Variants in LENG8 observed in about 807,000 individuals in gnomAD.
LENG8 encodes leukocyte receptor cluster (LRC) member 8.
A neutral mutation model predicts 102.1 loss-of-function variants in LENG8; 28 were observed. That is an observed-to-expected ratio of 0.27 (90% CI 0.20 to 0.38). The LOEUF is 0.38. Among genes scored for constraint, LENG8 ranks in the 10% least tolerant of loss-of-function variants. The probability of loss-of-function intolerance (pLI) is 1.00; values close to 1 mark genes in which losing one functional copy is unlikely to be tolerated. For synonymous variants in LENG8, 531 were observed against 456.7 expected (o/e 1.16, Z -2.07); for missense variants, 1,022 against 1,113.9 (o/e 0.92, Z 1.17).
At chr19:54,453,164 TCCCTCTC>T (rs910246149) in intron 4 of LENG8, among the ~76,000 whole-genome samples, 12 of 152,252 alleles carry the variant, frequency 7.9e-5, no homozygotes, top group Admixed American at 7.9e-4. Flanking sequence ...TCGCAGCCTG[TCCCTCTC>T]CCTTTCTTTG....
At chr19:54,460,046 C>A in intron 15 of LENG8, 1 of 1,285,692 alleles carries the variant, frequency 7.8e-7, no homozygotes. Flanking sequence ...TCAGCACCTT[C>A]CCCCCAAGGA....
rs746381211 is a variant in LENG8, at chr19:54,456,652, A to G, written c.1462A>G (p.Thr488Ala). The G allele has an allele frequency of 1.9e-6, 3 of 1,611,972 alleles. No homozygotes were observed. Among genetic ancestry groups the G allele is most frequent in the Non-Finnish European group, 2.5e-6 (3 of 1,179,052 alleles). Residue 488 changes from threonine to alanine, a missense_variant, in exon 11 of 16, where the codon ACC becomes GCC. Thr to Ala is a moderately conservative substitution (Grantham distance 58). Transcript: ENST00000326764. ...CCTTCCTAGGCACGATCTGGCGCCC[A>G]CCAAGCGCAGTCGAAAGAAGATGGC... Reference protein sequence around the residue: ...QRGKRHDLAPTKRSRKKMAAL... With the variant: ...QRGKRHDLAPAKRSRKKMAAL...
Position 54,456,735 on chromosome 19 carries a change from C to G in LENG8, c.1545C>G (p.Arg515=). 1 of 1,612,632 alleles carries G rather than the reference C, an allele frequency of 6.2e-7. No homozygotes were observed. The highest frequency in any genetic ancestry group is 8.5e-7 in the Non-Finnish European group (1 of 1,179,612). The change falls in exon 11 of 16, where the codon CGC becomes CGG. Residue 515 remains arginine (R), a synonymous_variant. Transcript: ENST00000326764. ...TGAAGAAGCAGAAGCGGGCAGCCCG[C>G]TTCCAGCACGGACACTCCCGCCGCC... ...RELKKQKRAA[R]FQHGHSRRLR...
At position 54,452,774 on chromosome 19, in the gene LENG8, C is replaced by T. The variant is rs181670688; in HGVS notation, c.315+22C>T. ...CATGGTGAGTGCCCAGCCAGTGGGG[C>T]GGGGCAGGGCGAGGTGGAGTCTGCT... is the stretch of plus-strand genomic sequence containing the variant. On this transcript the variant is annotated intron_variant, in intron 4 of 15. Transcript: ENST00000326764. The T allele has an allele frequency of 1.8e-4, 280 of 1,561,888 alleles. 1 individual carries two copies. In the African/African-American group the frequency reaches 3.1e-3, roughly 17 times the overall value.
rs761478188 is a variant in LENG8, at chr19:54,457,919, G to C, written c.1834-15G>C. The C allele has an allele frequency of 1.2e-6, 2 of 1,613,868 alleles. No individual in the cohort carries two copies. Among genetic ancestry groups the C allele is most frequent in the East Asian group, 2.2e-5 (1 of 44,868 alleles). ...CCCGCTCCTTGTGACTCTTGTTCTC[G>C]CCCCGCTGCCCCAGGTGCAGGGCAT... On this transcript the variant is annotated splice_polypyrimidine_tract_variant and intron_variant, in intron 12 of 15. Coordinates refer to ENST00000326764, the MANE Select transcript of LENG8 (RefSeq NM_052925.4).
In LENG8 at chr19:54,461,300, GC is replaced by G. The variant is rs750163713; in HGVS notation, c.*374del. 1.1e-5 allele frequency: 5 copies of G among 466,678 alleles called. No individual in the cohort carries two copies. The highest frequency in any genetic ancestry group is 7.9e-5 in the South Asian group (5 of 63,026). The allele number at this position is 466,678 out of a possible 1,614,324, so 28.9% of individuals were successfully genotyped here. Reference sequence around the variant, plus strand: ...GCCCTGGCCCATCCCATGCCGGGGGGCCAGTGGAAAGAAGACAGGCCGTCCA... The same window carrying G: ...GCCCTGGCCCATCCCATGCCGGGGGGCAGTGGAAAGAAGACAGGCCGTCCA... On this transcript the variant is annotated 3_prime_UTR_variant, in exon 16 of 16. Coordinates refer to ENST00000326764, the MANE Select transcript of LENG8 (RefSeq NM_052925.4).
Position 54,461,367 on chromosome 19 carries a change from C to T in LENG8, c.*439C>T. 2.2e-6 allele frequency: 1 copy of T among 458,696 alleles called. No individual in the cohort carries two copies. The highest frequency in any genetic ancestry group is 1.6e-5 in the South Asian group (1 of 64,418). 28.4% of individuals were successfully genotyped at this position (458,696 alleles called of 1,614,324 possible). On this transcript the variant is annotated 3_prime_UTR_variant, in exon 16 of 16. Coordinates refer to ENST00000326764, the MANE Select transcript of LENG8 (RefSeq NM_052925.4). ...CGGCGGGGGCACCCAGCAAGCCCGC[C>T]CACCGCCCGCTGCCTCACCTGCTTC...
At chr19:54,457,027 G>T (rs1426094400) in intron 11 of LENG8, 106 bp downstream of exon 11, 2 of 1,257,642 alleles carry the variant, frequency 1.6e-6, no homozygotes, top group East Asian at 5.1e-5. Flanking sequence ...CTCTGGTATG[G>T]CAGGGGAAGC....
In LENG8 at chr19:54,460,844, A is replaced by G; in HGVS notation, c.2319A>G (p.Leu773=). Reference sequence around the variant, plus strand: ...GCGAGGCCGCCTGCCGGGCCTTCCTAGAGCCCCTGGGCCTGGCCTACACGG... The same window carrying G: ...GCGAGGCCGCCTGCCGGGCCTTCCTGGAGCCCCTGGGCCTGGCCTACACGG... ...FEGEAACRAF[L]EPLGLAYTGP... Residue 773 remains leucine, a synonymous_variant, in exon 16 of 16, where the codon CTA becomes CTG. Transcript: ENST00000326764. 1 of 1,574,430 alleles carries G rather than the reference A, an allele frequency of 6.4e-7. No homozygotes were observed. Among genetic ancestry groups the G allele is most frequent in the South Asian group, 1.2e-5 (1 of 85,674 alleles).
chr19:54,460,719 G>GGGCGGCC, intron 15 of LENG8, 47 bp from the exon 16 acceptor site: 1 of 778,918 alleles, frequency 1.3e-6, no homozygotes. Flanking sequence ...GCCCTCCCCT[G>GGGCGGCC]CCCTCCCGCC....
intron 15 of LENG8, chr19:54,460,268 T>C: frequency 7.8e-7 from 1 of 1,277,088 alleles, no homozygotes; most frequent in Non-Finnish European, 1.0e-6. Context: ...TGCTAGATGC[T>C]CAGTCAGTAG....
intron 15 of LENG8, chr19:54,459,986 A>G (rs1367782427): frequency 5.7e-6 from 7 of 1,236,042 alleles, no homozygotes; most frequent in Middle Eastern, 3.1e-4. Flanking sequence ...GAACATAGCC[A>G]TGAGTGCCCC....
intron 1 of LENG8, among the ~76,000 whole-genome samples, chr19:54,450,505 C>T (rs955612370): frequency 9.2e-5 from 14 of 152,110 alleles, no homozygotes; most frequent in African/African-American, 3.1e-4. Context: ...TCCCTTTTCA[C>T]AGAGTTCTCG....
chr19:54,460,595 G>A (rs56862023), intron 15 of LENG8, 171 bp from the exon 16 acceptor site: 45,451 of 1,398,344 alleles, frequency 0.033, 1,329 homozygotes, highest in African/African-American at 0.15. Flanking sequence ...ACCCCCCCCG[G>A]GCCCCCCCCG....
chr19:54,457,775 A>G lies in LENG8; in HGVS notation c.1760A>G (p.Lys587Arg), dbSNP rs1796593538. 6.2e-6 allele frequency: 10 copies of G among 1,614,004 alleles called. No individual in the cohort carries two copies. The highest frequency in any genetic ancestry group is 1.7e-5 in the Admixed American group (1 of 60,010). The change falls in exon 12 of 16, where the codon AAG becomes AGG. Residue 587 changes from lysine to arginine, a missense_variant. This residue lies in a region of LENG8 where 158 missense variants were observed against 229.0 expected (regional missense o/e 0.69). Coordinates refer to ENST00000326764, the MANE Select transcript of LENG8 (RefSeq NM_052925.4). ...TTGAAAAAGTCGCTGTGCATGGTCA[A>G]GTGCCACTGGAAAGAGAAGCAGGAC... ...AVLKKSLCMV[K>R]CHWKEKQDYA...
rs2084139398 is a variant in LENG8 at position 54,454,825 on chromosome 19, CAT to C, written c.680-125_680-124del. The C allele has an allele frequency of 1.9e-5, 27 of 1,438,086 alleles. No individual in the cohort carries two copies. The South Asian group carries it at 2.5e-4, about 13-fold the overall frequency. 89.1% of individuals were successfully genotyped at this position (1,438,086 alleles called of 1,614,324 possible). A position where few individuals can be genotyped will look rare whatever the true frequency, so the allele number is the denominator to read the frequency against. On this transcript the variant is annotated intron_variant, in intron 6 of 15. Transcript: ENST00000326764. ...GGGTGGGGCTGCTCTGGACCAGGCA[CAT>C]GTGTGCTGGAGCCCTCCTCTAGAAC... is the stretch of plus-strand genomic sequence containing the variant.
At position 54,456,177 on chromosome 19, in the gene LENG8, C is replaced by T. The variant is rs143249988; in HGVS notation, c.1236C>T (p.Ser412=). Residue 412 remains serine, a synonymous_variant, in exon 9 of 16, where the codon AGC becomes AGT. Transcript: ENST00000326764. ...GCAACGTCTTCATGAAGGACAACAGCTCTTCTTCCAGCACAGACTCCCGCT... is the reference window on the plus strand; with the variant it reads ...GCAACGTCTTCATGAAGGACAACAGTTCTTCTTCCAGCACAGACTCCCGCT... ...GNRNVFMKDN[S]SSSSTDSRSR... 3.1e-5 allele frequency: 50 copies of T among 1,611,116 alleles called. No individual in the cohort carries two copies. In the African/African-American group the frequency reaches 5.3e-4, roughly 17 times the overall value.
intron 11 of LENG8, 118 bp downstream of exon 11, chr19:54,457,039 C>T (rs557989130): frequency 3.5e-6 from 4 of 1,140,888 alleles, no homozygotes; most frequent in East Asian, 2.6e-5. Context: ...AGGGGAAGCT[C>T]GGCCAGAGAC....
In LENG8 at chr19:54,453,568, C is replaced by G. The variant is rs772472205; in HGVS notation, c.338C>G (p.Ser113Cys). 6.2e-7 allele frequency: 1 copy of G among 1,613,992 alleles called. No homozygotes were observed. Among genetic ancestry groups the G allele is most frequent in the Non-Finnish European group, 8.5e-7 (1 of 1,179,930 alleles). Residue 113 changes from serine (S) to cysteine (C), a missense_variant, in exon 5 of 16, where the codon TCC (serine) becomes TGC (cysteine). Physicochemically the swap from Ser to Cys is moderately radical, Grantham distance 112. Transcript: ENST00000326764. ...CAGAGCATGTACCAGAGCTATGGCTCCCCTTCCCAGTATGGGATGGCCGGC... is the reference window on the plus strand; with the variant it reads ...CAGAGCATGTACCAGAGCTATGGCTGCCCTTCCCAGTATGGGATGGCCGGC... ...YPMSMYQSYG[S>C]PSQYGMAGSY...
Sources: gnomAD v4.1 joint callset for allele counts (sites outside exome capture counted in the v4.1 genomes callset) on GRCh38, gnomAD v4.1.1 for gene constraint, gnomAD v4.1.1 regional missense constraint, MANE v1.5 for transcripts, NCBI Gene and HGNC (gene_info 2026-07-23, HGNC 2026-07-21) for gene names.